Variants in RAE1 observed in about 807,000 individuals in gnomAD.
The protein encoded by RAE1 is mRNA export factor RAE1.
A neutral mutation model predicts 52.7 loss-of-function variants in RAE1; 13 were observed. The observed-to-expected ratio is 0.25, with a 90% CI of 0.16 to 0.39. The LOEUF is 0.39. Among genes scored for constraint, RAE1 ranks in the 10% least tolerant of loss-of-function variants. RAE1 has a pLI of 1.00. For missense variants in RAE1, 262 were observed against 459.8 expected, an observed-to-expected ratio of 0.57 and a Z score of 3.93; for synonymous variants, 164 against 153.1, an observed-to-expected ratio of 1.07 and a Z score of -0.52.
intron 4 of RAE1, among the ~76,000 whole-genome samples, chr20:57,360,750 G>A (rs144405916): frequency 3.3e-5 from 5 of 152,286 alleles, no homozygotes; most frequent in East Asian, 3.9e-4. Flanking sequence ...TGGCGGGCAC[G>A]AAATTAACCA....
chr20:57,366,764 C>T (rs760445949), intron 5 of RAE1, 43 bp from the exon 6 acceptor site: 2 of 1,530,488 alleles, frequency 1.3e-6, no homozygotes, highest in East Asian at 4.5e-5. Context: ...TCAGCACATT[C>T]TTACATTTAC....
chr20:57,361,294 T>G (rs1465379609), intron 4 of RAE1, among the ~76,000 whole-genome samples: 1 of 152,132 alleles, frequency 6.6e-6, no homozygotes, highest in Admixed American at 6.5e-5. Flanking sequence ...GGCAGAAGTT[T>G]AGTTAATCTA....
chr20:57,365,240 G>A (rs2066938509), intron 4 of RAE1, 116 bp from the exon 5 acceptor site: 1 of 656,796 alleles, frequency 1.5e-6, no homozygotes, highest in African/African-American at 1.9e-5. Context: ...CCAAACAATT[G>A]GAAAAATAAA....
At chr20:57,352,169 A>G (rs1168785375) in intron 1 of RAE1, among the ~76,000 whole-genome samples, 1 of 131,756 alleles carries the variant, frequency 7.6e-6, no homozygotes, top group East Asian at 2.0e-4. Flanking sequence ...TGAAGTATAA[A>G]ATAACATTAA....
Position 57,368,077 on chromosome 20 carries a change from C to T in RAE1, c.535-628C>T, listed in dbSNP as rs181334271. On this transcript the variant is annotated intron_variant, in intron 7 of 11. Coordinates refer to ENST00000395841, the MANE Select transcript of RAE1 (RefSeq NM_003610.4). ...CTAATTTTTATACTTTTAGTAGAGA[C>T]GGGGTTTCACATGTAGGCCAGGATG... is the stretch of plus-strand genomic sequence containing the variant. Among the ~76,000 whole-genome samples the T allele has an allele frequency of 3.5e-4, 54 of 152,210 alleles. No homozygotes were observed. The East Asian group carries it at 7.9e-3, about 22-fold the overall frequency.
At chr20:57,368,844 T>C (rs752676679) in intron 8 of RAE1, 32 bp downstream of exon 8, 4 of 1,531,746 alleles carry the variant, frequency 2.6e-6, no homozygotes, top group Non-Finnish European at 3.6e-6. Flanking sequence ...GAAGTATGTA[T>C]TTAGCACCTG....
intron 4 of RAE1, among the ~76,000 whole-genome samples, chr20:57,363,534 T>C (rs936759435): frequency 1.3e-5 from 2 of 152,060 alleles, no homozygotes; most frequent in African/African-American, 4.8e-5. Context: ...CTGAGTGTGA[T>C]GGCACATCCC....
intron 5 of RAE1, among the ~76,000 whole-genome samples, chr20:57,366,352 C>T (rs2066953658): frequency 6.6e-6 from 1 of 152,182 alleles, no homozygotes; most frequent in African/African-American, 2.4e-5. Context: ...TTAGTTTGCT[C>T]ATGTTCTGCA....
intron 8 of RAE1, chr20:57,373,077 C>T (rs145561199): frequency 8.3e-6 from 2 of 242,332 alleles, no homozygotes; most frequent in East Asian, 1.1e-4. Flanking sequence ...GCCTGCATCC[C>T]TCCTCCAGCT....
At chr20:57,365,158 A>G (rs1240201917) in intron 4 of RAE1, among the ~76,000 whole-genome samples, 198 bp from the exon 5 acceptor site, 1 of 152,214 alleles carries the variant, frequency 6.6e-6, no homozygotes, top group East Asian at 1.9e-4. Flanking sequence ...CTCGCTTAGA[A>G]AAGTAAGTCA....
At chr20:57,375,880 C>G (rs114546640) in intron 11 of RAE1, among the ~76,000 whole-genome samples, 2 of 152,290 alleles carry the variant, frequency 1.3e-5, no homozygotes, top group South Asian at 2.1e-4. Context: ...GTTTATTCTG[C>G]TTTGGGCTGT....
chr20:57,374,472 G>C (rs542077560), intron 10 of RAE1, 135 bp from the exon 11 acceptor site: 1 of 832,266 alleles, frequency 1.2e-6, no homozygotes, highest in East Asian at 2.4e-5. Flanking sequence ...AGTTTCTCTT[G>C]CTATCAGCGG....
rs529074880 is a variant in RAE1 at position 57,359,031 on chromosome 20, TG to T, written c.288+2494del. The stretch of plus-strand genomic sequence containing the variant: ...AAAGTAAGAGACAGCTGAACCTTCG[TG>T]TGGCCATTCATTCAAGTCCCTATTT... On this transcript the variant is annotated intron_variant, in intron 4 of 11. Coordinates refer to ENST00000395841, the MANE Select transcript of RAE1 (RefSeq NM_003610.4). 2.4e-4 allele frequency: 366 copies of T among 1,519,292 alleles called. 1 individual carries two copies. Among genetic ancestry groups the T allele is most frequent in the South Asian group, 9.5e-4 (76 of 80,104 alleles). The allele number at this position is 1,519,292 out of a possible 1,614,324, so 94.1% of individuals were successfully genotyped here. A position where few individuals can be genotyped will look rare whatever the true frequency, so the allele number is the denominator to read the frequency against.
In RAE1 at chr20:57,373,664, G is replaced by A. The variant is rs753858322; in HGVS notation, c.751G>A (p.Ala251Thr). Residue 251 changes from alanine to threonine, a missense_variant and splice_region_variant, in exon 10 of 12, where the codon GCC becomes ACC. By Grantham distance (58) the Ala-to-Thr change is moderately conservative (BLOSUM62 0). Coordinates refer to ENST00000395841, the MANE Select transcript of RAE1 (RefSeq NM_003610.4). Reference sequence around the variant, plus strand: ...CTTACATGAACCTTTGTCTTTCAGCGCCAAAGATAACTTCACCTTTAAATG... The same window carrying A: ...CTTACATGAACCTTTGTCTTTCAGCACCAAAGATAACTTCACCTTTAAATG... ...AIHYINPPNP[A>T]KDNFTFKCHR... is the part of the protein sequence containing the mutation. 36 of 1,613,904 alleles carry A rather than the reference G, an allele frequency of 2.2e-5. No individual in the cohort carries two copies. Among genetic ancestry groups the A allele is most frequent in the East Asian group, 6.7e-5 (3 of 44,898 alleles).
chr20:57,351,923 A>G, intron 1 of RAE1: 2 of 985,516 alleles, frequency 2.0e-6, no homozygotes, highest in Non-Finnish European at 2.4e-6. Flanking sequence ...TCTCCAGGCA[A>G]GTAGTATTAA....
At chr20:57,370,990 C>T (rs1793595792) in intron 8 of RAE1, 1 of 152,198 alleles carries the variant, frequency 6.6e-6, no homozygotes, top group Admixed American at 6.5e-5. Context: ...CTTGAGGTCA[C>T]CCCTGATTGG....
chr20:57,373,608 A>G, intron 9 of RAE1, 27 bp downstream of exon 9: 1 of 1,613,124 alleles, frequency 6.2e-7, no homozygotes, highest in Non-Finnish European at 8.5e-7. Context: ...CAGCTTGCAG[A>G]TTTCACTGGA....
chr20:57,354,208 T>A lies in RAE1; in HGVS notation c.90+80T>A, dbSNP rs143696961. 1.7e-3 allele frequency: 2,153 copies of A among 1,242,374 alleles called. 50 individuals carry two copies. The East Asian group carries it at 0.049, about 28-fold the overall frequency. The allele number at this position is 1,242,374 out of a possible 1,614,324, so 77.0% of individuals were successfully genotyped here. A position where few individuals can be genotyped will look rare whatever the true frequency, so the allele number is the denominator to read the frequency against. On this transcript the variant is annotated intron_variant, in intron 2 of 11. Transcript: ENST00000395841. ...CATCAAGGACAGAACCCGAGATGAC[T>A]TGGGAGCCTCCTTTAGGCTGAAAGC...
chr20:57,354,250 A>G (rs912933605), intron 2 of RAE1, 122 bp downstream of exon 2: 3 of 785,814 alleles, frequency 3.8e-6, no homozygotes, highest in African/African-American at 1.8e-5. Context: ...ACTTTGTCTA[A>G]CTCATGTTTC....
Sources: allele counts gnomAD v4.1 joint callset (sites outside exome capture counted in the v4.1 genomes callset), GRCh38; gene constraint gnomAD v4.1.1; transcripts MANE v1.5; gene names NCBI Gene and HGNC (gene_info 2026-07-23, HGNC 2026-07-21).